Variants in NRF1 observed in about 807,000 individuals in gnomAD.
The protein encoded by NRF1 is nuclear respiratory factor 1.
A neutral mutation model predicts 58.5 loss-of-function variants in NRF1; 5 were observed. That is an observed-to-expected ratio of 0.09 (90% CI 0.04 to 0.18). NRF1 has a LOEUF of 0.18. Among genes scored for constraint, NRF1 ranks in the 10% least tolerant of loss-of-function variants. The probability of loss-of-function intolerance (pLI) is 1.00; values close to 1 mark genes in which losing one functional copy is unlikely to be tolerated. For missense variants in NRF1, 288 were observed against 657.7 expected (o/e 0.44, Z 6.15); for synonymous variants, 224 against 246.7 (o/e 0.91, Z 0.86).
intron 4 of NRF1, among the ~76,000 whole-genome samples, chr7:129,687,955 A>G (rs142020576): frequency 4.6e-5 from 7 of 152,304 alleles, no homozygotes; most frequent in Admixed American, 2.0e-4. Context: ...ATGCTCTACT[A>G]GCACTAAAAA....
intron 2 of NRF1, 116 bp downstream of exon 2, chr7:129,657,690 G>A (rs1801690663): frequency 3.0e-6 from 2 of 661,034 alleles, no homozygotes; most frequent in South Asian, 4.1e-5. Context: ...ATTCACTGCA[G>A]CCTTGATCTT....
intron 2 of NRF1, among the ~76,000 whole-genome samples, chr7:129,669,251 C>G (rs1174323373): frequency 6.6e-6 from 1 of 152,078 alleles, no homozygotes; most frequent in Non-Finnish European, 1.5e-5. Flanking sequence ...CTGGCCAGAT[C>G]TTGAGTTTTA....
chr7:129,723,764 T>C (rs141178177), intron 9 of NRF1, among the ~76,000 whole-genome samples: 139 of 152,334 alleles, frequency 9.1e-4, no homozygotes, highest in African/African-American at 3.1e-3. Flanking sequence ...ATTCCACTGG[T>C]CTATATGTTT....
At chr7:129,700,479 T>C (rs1802795898) in intron 5 of NRF1, among the ~76,000 whole-genome samples, 1 of 152,242 alleles carries the variant, frequency 6.6e-6, no homozygotes, top group Admixed American at 6.5e-5. Flanking sequence ...AGAACCACTA[T>C]GATGGATCAC....
intron 1 of NRF1, among the ~76,000 whole-genome samples, chr7:129,632,046 A>T (rs1177239155): frequency 2.0e-5 from 3 of 152,148 alleles, no homozygotes; most frequent in African/African-American, 7.2e-5. Flanking sequence ...AGGCTAAGTC[A>T]GGAGGACTGC....
intron 4 of NRF1, among the ~76,000 whole-genome samples, chr7:129,679,066 C>G (rs1802246656): frequency 6.6e-6 from 1 of 152,120 alleles, no homozygotes; most frequent in Non-Finnish European, 1.5e-5. Context: ...AACCAAGTCT[C>G]TGTATAAAAG....
chr7:129,661,929 C>T (rs1031793060), intron 2 of NRF1, among the ~76,000 whole-genome samples: 5 of 150,732 alleles, frequency 3.3e-5, no homozygotes, highest in Non-Finnish European at 5.9e-5. Flanking sequence ...GGTGGACTTA[C>T]AGATCTATGT....
At chr7:129,648,986 A>G (rs1801475713) in intron 1 of NRF1, among the ~76,000 whole-genome samples, 1 of 148,938 alleles carries the variant, frequency 6.7e-6, no homozygotes, top group South Asian at 2.1e-4. Context: ...CATGTCTGAT[A>G]TCATCACTCA....
chr7:129,690,229 A>G (rs1802533114), intron 4 of NRF1, among the ~76,000 whole-genome samples, 177 bp from the exon 5 acceptor site: 3 of 152,086 alleles, frequency 2.0e-5, no homozygotes, highest in Admixed American at 1.3e-4. Flanking sequence ...TCATTTAATT[A>G]TGTTCAGTAT....
intron 9 of NRF1, among the ~76,000 whole-genome samples, chr7:129,721,447 A>G (rs1250281123): frequency 1.3e-5 from 2 of 151,508 alleles, no homozygotes; most frequent in African/African-American, 4.9e-5. Context: ...TGCTTTTAAA[A>G]GTCATATTTT....
At chr7:129,616,791 C>G (rs981723885) in intron 1 of NRF1, among the ~76,000 whole-genome samples, 2 of 152,100 alleles carry the variant, frequency 1.3e-5, no homozygotes, top group African/African-American at 4.8e-5. Context: ...TGCTACTGAA[C>G]CATCAGATAA....
intron 2 of NRF1, among the ~76,000 whole-genome samples, chr7:129,663,438 C>T (rs1389685028): frequency 6.1e-5 from 9 of 146,760 alleles, no homozygotes; most frequent in Middle Eastern, 3.6e-3. Flanking sequence ...CAGAGGCGCT[C>T]CTCACATCCC....
At chr7:129,663,492 G>A (rs1294734775) in intron 2 of NRF1, among the ~76,000 whole-genome samples, 11 of 151,050 alleles carry the variant, frequency 7.3e-5, no homozygotes, top group African/African-American at 2.4e-4. Flanking sequence ...CCTCCCAGAC[G>A]GGGCGGCCGG....
intron 10 of NRF1, chr7:129,735,257 T>G: frequency 2.0e-6 from 2 of 985,152 alleles, no homozygotes; most frequent in Non-Finnish European, 2.4e-6. Flanking sequence ...AGCTGCTGGG[T>G]GCGGTGGCTC....
intron 1 of NRF1, among the ~76,000 whole-genome samples, chr7:129,612,241 G>C (rs954661691): frequency 6.6e-6 from 1 of 151,280 alleles, no homozygotes; most frequent in Non-Finnish European, 1.5e-5. Context: ...CGGGCTGCGC[G>C]GGACCGGAGC....
At chr7:129,651,419 CA>C (rs11319951) in intron 1 of NRF1, among the ~76,000 whole-genome samples, 55,541 of 133,482 alleles carry the variant, frequency 0.42, 11,879 homozygotes, top group East Asian at 0.64. Flanking sequence ...GACTCTGTCT[CA>C]AAAAAAAAAA....
chr7:129,634,785 C>T (rs990070203), intron 1 of NRF1, among the ~76,000 whole-genome samples: 3 of 152,146 alleles, frequency 2.0e-5, no homozygotes, highest in Non-Finnish European at 4.4e-5. Flanking sequence ...TCCAAAGTGG[C>T]TGATGTATAT....
intron 1 of NRF1, among the ~76,000 whole-genome samples, chr7:129,620,096 T>C (rs1402314395): frequency 6.6e-6 from 1 of 152,132 alleles, no homozygotes; most frequent in Admixed American, 6.6e-5. Flanking sequence ...GTTGGTTGTG[T>C]TCGTTGGCTG....
chr7:129,639,230 T>C (rs1333002680), intron 1 of NRF1, among the ~76,000 whole-genome samples: 1 of 151,822 alleles, frequency 6.6e-6, no homozygotes, highest in East Asian at 1.9e-4. Context: ...TGGCTAATTA[T>C]TGTGTTTTTA....
Sources: gnomAD v4.1 joint callset for allele counts (sites outside exome capture counted in the v4.1 genomes callset) on GRCh38, gnomAD v4.1.1 for gene constraint, MANE v1.5 for transcripts, NCBI Gene and HGNC (gene_info 2026-07-23, HGNC 2026-07-21) for gene names.